The following WDR86 variants were observed in gnomAD, a reference collection of about 807,000 sequenced individuals.
WDR86 encodes WD repeat domain 86, also known as WD repeat-containing protein 86.
WDR86 carries 30 observed loss-of-function variants against 36.5 expected under a neutral mutation model. The observed-to-expected ratio is 0.82, with a 90% CI of 0.61 to 1.11. WDR86 has a LOEUF of 1.11. WDR86 is among the 50% of genes most tolerant of loss of function. WDR86 has a pLI of 0.00. For synonymous variants in WDR86, 255 were observed against 252.9 expected (o/e 1.01, Z -0.08); for missense variants, 545 against 561.2 (o/e 0.97, Z 0.29).
At chr7:151,391,862 C>CTTGAGAGAG (rs1554420626) in intron 3 of WDR86, among the ~76,000 whole-genome samples, 1 of 58,754 alleles carries the variant, frequency 1.7e-5, no homozygotes, top group African/African-American at 3.6e-5. Flanking sequence ...TCCCACGCAC[C>CTTGAGAGAG]GTGAGGCTGA....
chr7:151,395,890 G>C lies in WDR86; in HGVS notation c.612C>G (p.Pro204=). The C allele has an allele frequency of 6.2e-7, 1 of 1,602,304 alleles. No individual in the cohort carries two copies. The highest frequency in any genetic ancestry group is 8.5e-7 in the Non-Finnish European group (1 of 1,176,732). ...TGCTGCCTGTGAAGGCCGTGTGGCCGGGCGTGTCTAGCACTAGGCACAGCA... is the reference window on the plus strand; with the variant it reads ...TGCTGCCTGTGAAGGCCGTGTGGCCCGGCGTGTCTAGCACTAGGCACAGCA... ...GAVLCLVLDT[P]GHTAFTGSTD... Residue 204 remains proline (P), a synonymous_variant, in exon 3 of 6, where the codon CCC becomes CCG. Coordinates refer to ENST00000334493, the MANE Select transcript of WDR86 (RefSeq NM_198285.3).
intron 4 of WDR86, among the ~76,000 whole-genome samples, chr7:151,383,277 C>A (rs186343613): frequency 6.6e-5 from 10 of 151,940 alleles, no homozygotes; most frequent in African/African-American, 2.4e-4. Context: ...GGTTTGAGAC[C>A]AGCCTGGCCA....
rs766065277 is a variant in WDR86 at position 151,395,979 on chromosome 7, C to T, written c.523G>A (p.Ala175Thr). Residue 175 changes from alanine (A) to threonine (T), a missense_variant, in exon 3 of 6, where the codon GCC becomes ACC. Coordinates refer to ENST00000334493, the MANE Select transcript of WDR86 (RefSeq NM_198285.3). ...CCGCTGGCCACCTGCCACACCTTGG[C>T]TGTGCCATCTGTGCTGCCGGTCACC... ...LLVTGSTDGTAKVWQVASGCC... is the reference protein window; with the variant it reads ...LLVTGSTDGTTKVWQVASGCC... 4 of 1,596,342 alleles carry T rather than the reference C, an allele frequency of 2.5e-6. No individual in the cohort carries two copies. Among genetic ancestry groups the T allele is most frequent in the Middle Eastern group, 3.3e-4 (2 of 5,994 alleles).
At chr7:151,382,004 G>A (rs1485113190) in intron 4 of WDR86, 23 bp from the exon 5 acceptor site, 2 of 1,573,914 alleles carry the variant, frequency 1.3e-6, no homozygotes, top group Non-Finnish European at 1.7e-6. Context: ...AGCGCGCGCT[G>A]GGCCTCCCTC....
At chr7:151,391,704 CACCAAAATGT>C (rs1233871937) in intron 3 of WDR86, among the ~76,000 whole-genome samples, 2 of 152,188 alleles carry the variant, frequency 1.3e-5, no homozygotes, top group Non-Finnish European at 2.9e-5. Flanking sequence ...CACTCAGATG[CACCAAAATGT>C]CACCCAACAG....
rs4141454 is a variant in WDR86, at chr7:151,381,759, G to A, written c.967-13C>T. The A allele has an allele frequency of 0.62, 933,350 of 1,498,518 alleles. 299,338 individuals carry two copies. Among genetic ancestry groups the A allele is most frequent in the East Asian group, 0.91 (35,950 of 39,652 alleles). The allele number at this position is 1,498,518 out of a possible 1,614,324, so 92.8% of individuals were successfully genotyped here. ...CCTGGCCGTGCACCTGCGGGCGCAG[G>A]GGCGGGCGTCACCGGTGACGCGGTA... On this transcript the variant is annotated splice_polypyrimidine_tract_variant and intron_variant, in intron 5 of 5. Transcript: ENST00000334493. This position sits in a 1 kb window ranked among gnomAD's most constrained non-coding sequence, Gnocchi z 4.8.
In WDR86 at chr7:151,406,786, C is replaced by G. The variant is rs1800736366; in HGVS notation, c.163+2641G>C. Among the ~76,000 whole-genome samples the G allele has an allele frequency of 2.0e-5, 3 of 152,194 alleles. No homozygotes were observed. Among genetic ancestry groups the G allele is most frequent in the Admixed American group, 2.0e-4 (3 of 15,284 alleles). On this transcript the variant is annotated intron_variant, in intron 1 of 5. Transcript: ENST00000334493. This position sits in a 1 kb window ranked among gnomAD's most constrained non-coding sequence, Gnocchi z 4.4. Reference sequence around the variant, plus strand: ...ATGCTGCTCATGAGTCTGCACCTCCCCACTCTCCTCTGTGAACTGGTGTCA... The same window carrying G: ...ATGCTGCTCATGAGTCTGCACCTCCGCACTCTCCTCTGTGAACTGGTGTCA...
At chr7:151,375,829 G>A (rs1252670946), downstream of WDR86, 2 of 1,522,614 alleles carry the variant, frequency 1.3e-6, no homozygotes, top group African/African-American at 1.4e-5. Flanking sequence ...TGGGTAAAGG[G>A]TGTTCCTGTG....
At chr7:151,377,372 G>A (rs1798350445), downstream of WDR86, 3 of 555,918 alleles carry the variant, frequency 5.4e-6, no homozygotes, top group African/African-American at 5.8e-5. Context: ...AAGTCCAGGA[G>A]GGGTCCCAGG....
At chr7:151,396,803 G>A (rs1007050394) in intron 2 of WDR86, among the ~76,000 whole-genome samples, 2 of 152,190 alleles carry the variant, frequency 1.3e-5, no homozygotes, top group Non-Finnish European at 2.9e-5. Context: ...TACAGCCAGT[G>A]GGGGCCTCTG....
In WDR86 at chr7:151,381,376, G is replaced by GT. The variant is rs1397288762; in HGVS notation, c.*205_*206insA. 3 of 1,443,930 alleles carry GT rather than the reference G, an allele frequency of 2.1e-6. No individual in the cohort carries two copies. The highest frequency in any genetic ancestry group is 6.0e-5 in the Admixed American group (2 of 33,522). 89.4% of individuals were successfully genotyped at this position (1,443,930 alleles called of 1,614,324 possible). ...GAGCCACCCTAAAAGGGAAAAGGGG[G>GT]CGGTCCCCAGGGCGAGCACTCCCGC... On this transcript the variant is annotated 3_prime_UTR_variant, in exon 6 of 6. Transcript: ENST00000334493. This position sits in a 1 kb window ranked among gnomAD's most constrained non-coding sequence, Gnocchi z 4.8.
downstream of WDR86, among the ~76,000 whole-genome samples, chr7:151,380,827 A>G (rs541556639): frequency 2.8e-5 from 4 of 144,608 alleles, no homozygotes; most frequent in Admixed American, 2.8e-4. Context: ...GACTTCCTAG[A>G]TTCATGCCAG....
At position 151,381,561 on chromosome 7, in the gene WDR86, G is replaced by C. The variant is rs986491921; in HGVS notation, c.*21C>G. 2 of 1,379,600 alleles carry C rather than the reference G, an allele frequency of 1.4e-6. No homozygotes were observed. The highest frequency in any genetic ancestry group is 1.9e-6 in the Non-Finnish European group (2 of 1,078,006). 85.5% of individuals were successfully genotyped at this position (1,379,600 alleles called of 1,614,324 possible). ...GGAGCCGCTGGGTGTCTGGGCTGGC[G>C]TCTGCAGGGGCCCCGCGGGATCAGG... On this transcript the variant is annotated 3_prime_UTR_variant, in exon 6 of 6. Coordinates refer to ENST00000334493, the MANE Select transcript of WDR86 (RefSeq NM_198285.3). This position sits in a 1 kb window ranked among gnomAD's most constrained non-coding sequence, Gnocchi z 4.8.
In WDR86 at chr7:151,383,436, T is replaced by A. The variant is rs528109662; in HGVS notation, c.863-1455A>T. On this transcript the variant is annotated intron_variant, in intron 4 of 5. Transcript: ENST00000334493. Reference sequence around the variant, plus strand: ...TGGCAGTGAGCCTAGACTGCGCCATTTCACTCCAGCCTGGGCCACAGAGCA... The same window carrying A: ...TGGCAGTGAGCCTAGACTGCGCCATATCACTCCAGCCTGGGCCACAGAGCA... 1.5e-4 allele frequency among the ~76,000 whole-genome samples: 22 copies of A among 149,794 alleles called. No individual in the cohort carries two copies. In the South Asian group the frequency reaches 4.7e-3, roughly 32 times the overall value.
chr7:151,396,968 T>G (rs1799869463), intron 2 of WDR86, among the ~76,000 whole-genome samples: 1 of 152,244 alleles, frequency 6.6e-6, no homozygotes, highest in African/African-American at 2.4e-5. Flanking sequence ...CACATTGTAT[T>G]CACGACTCTT....
At chr7:151,402,070 A>AAAAAAATATATATAT in intron 1 of WDR86, among the ~76,000 whole-genome samples, 31 of 50,528 alleles carry the variant, frequency 6.1e-4, no homozygotes, top group Admixed American at 9.2e-4. Context: ...AAAAAAAAAA[A>AAAAAAATATATATAT]ATATATATAT....
In WDR86 at chr7:151,381,549, G is replaced by GCCGC; in HGVS notation, c.*32_*33insGCGG. On this transcript the variant is annotated 3_prime_UTR_variant, in exon 6 of 6. Transcript: ENST00000334493. The surrounding 1 kb of genome is among the most constrained non-coding windows in gnomAD (Gnocchi z 4.8). The stretch of plus-strand genomic sequence containing the variant: ...CGGGGCGCTCTGGGAGCCGCTGGGT[G>GCCGC]TCTGGGCTGGCGTCTGCAGGGGCCC... The GCCGC allele has an allele frequency of 7.2e-7, 1 of 1,390,736 alleles. No individual in the cohort carries two copies. 86.1% of individuals were successfully genotyped at this position (1,390,736 alleles called of 1,614,324 possible).
chr7:151,398,140 G>A (rs1317139044), intron 2 of WDR86, among the ~76,000 whole-genome samples: 1 of 152,176 alleles, frequency 6.6e-6, no homozygotes, highest in Non-Finnish European at 1.5e-5. Flanking sequence ...GTGTATATGT[G>A]CATGTGTGTT....
At chr7:151,380,369 A>G (rs1798491295), downstream of WDR86, among the ~76,000 whole-genome samples, 1 of 152,168 alleles carries the variant, frequency 6.6e-6, no homozygotes, top group Non-Finnish European at 1.5e-5. Context: ...CTTCTGCATT[A>G]AGACTATGAA....
Sources: gnomAD v4.1 joint callset for allele counts (sites outside exome capture counted in the v4.1 genomes callset) on GRCh38, gnomAD v4.1.1 for gene constraint, Gnocchi (gnomAD v3.1) non-coding constraint, MANE v1.5 for transcripts, NCBI Gene and HGNC (gene_info 2026-07-23, HGNC 2026-07-21) for gene names.